The following SEMA5A variants were observed in gnomAD, a reference collection of about 807,000 sequenced individuals.
The protein encoded by SEMA5A is semaphorin 5A, also known as semaphorin-5A.
A neutral mutation model predicts 135.5 loss-of-function variants in SEMA5A; 55 were observed. That is an observed-to-expected ratio of 0.41 (90% CI 0.33 to 0.51). The LOEUF (loss-of-function observed/expected upper bound fraction) is 0.51, where lower values mean the gene tolerates loss of function less well. Ranked by LOEUF, SEMA5A falls within the 20% of genes least tolerant of loss-of-function variation. The pLI is 0.37. For synonymous variants in SEMA5A, 580 were observed against 546.5 expected (o/e 1.06, Z -0.85); for missense variants, 1,290 against 1,419.9 (o/e 0.91, Z 1.47).
At chr5:9,474,019 A>G (rs1759576872) in intron 1 of SEMA5A, among the ~76,000 whole-genome samples, 3 of 152,170 alleles carry the variant, frequency 2.0e-5, no homozygotes, top group African/African-American at 7.2e-5. Context: ...TGGGGCATGT[A>G]AGATACATCA....
chr5:9,541,826 G>C (rs941293946), intron 1 of SEMA5A, among the ~76,000 whole-genome samples: 4 of 152,080 alleles, frequency 2.6e-5, no homozygotes, highest in African/African-American at 9.7e-5. Context: ...AAGTTGCCTG[G>C]CTTCAAAATA....
intron 8 of SEMA5A, among the ~76,000 whole-genome samples, chr5:9,221,557 C>T (rs1373047841): frequency 6.6e-6 from 1 of 152,084 alleles, no homozygotes; most frequent in Non-Finnish European, 1.5e-5. Context: ...CCGCCTCGGC[C>T]TCCCAAAGTG....
In SEMA5A at chr5:9,167,721, T is replaced by C. The variant is rs557227738; in HGVS notation, c.1274-13026A>G. On this transcript the variant is annotated intron_variant, in intron 11 of 22. Transcript: ENST00000382496. ...AAGTCTGTGTGCTTATGGAAGGTAT[T>C]CTTCCTTCAACTAAGATAGTGCATT... Among the ~76,000 whole-genome samples, 14 of 152,342 alleles carry C rather than the reference T, an allele frequency of 9.2e-5. No homozygotes were observed. In the South Asian group the frequency reaches 2.9e-3, roughly 32 times the overall value.
At chr5:9,082,520 CTG>C (rs1738446924) in intron 16 of SEMA5A, among the ~76,000 whole-genome samples, 1 of 152,160 alleles carries the variant, frequency 6.6e-6, no homozygotes, top group South Asian at 2.1e-4. Flanking sequence ...GTTCATTGTT[CTG>C]TGTTATAAGC....
Position 9,410,981 on chromosome 5 carries a change from CTTT to C in SEMA5A, c.-78+26772_-78+26774del, listed in dbSNP as rs57301427. Among the ~76,000 whole-genome samples, 151 of 145,752 alleles carry C rather than the reference CTTT, an allele frequency of 1.0e-3. 3 individuals are homozygous for C. The highest frequency in any genetic ancestry group is 3.6e-3 in the Middle Eastern group (1 of 278). ...TAGCAAATGACAATTTCCATCTGGA[CTTT>C]TTTTTTTTTTTAAATAAAGGCATTT... On this transcript the variant is annotated intron_variant, in intron 2 of 22. Transcript: ENST00000382496.
chr5:9,468,155 G>T (rs908594894), intron 1 of SEMA5A, among the ~76,000 whole-genome samples: 4 of 152,196 alleles, frequency 2.6e-5, no homozygotes, highest in African/African-American at 9.6e-5. Context: ...GAGGGCCCGG[G>T]AAAGAGACTC....
intron 3 of SEMA5A, among the ~76,000 whole-genome samples, chr5:9,368,293 T>A (rs929793040): frequency 2.0e-5 from 3 of 152,222 alleles, no homozygotes; most frequent in Admixed American, 2.0e-4. Flanking sequence ...CATTGTATCC[T>A]AACAAACTCA....
chr5:9,502,470 C>G (rs1350885176), intron 1 of SEMA5A, among the ~76,000 whole-genome samples: 1 of 152,210 alleles, frequency 6.6e-6, no homozygotes, highest in Non-Finnish European at 1.5e-5. Context: ...ACAAGACTGA[C>G]AGTATCCCAG....
At chr5:9,274,555 T>G (rs1484684598) in intron 5 of SEMA5A, among the ~76,000 whole-genome samples, 1 of 152,180 alleles carries the variant, frequency 6.6e-6, no homozygotes, top group African/African-American at 2.4e-5. Flanking sequence ...ATCACACTTA[T>G]TCTAAAATTG....
intron 8 of SEMA5A, among the ~76,000 whole-genome samples, chr5:9,221,417 C>T (rs974833868): frequency 6.6e-6 from 1 of 150,404 alleles, no homozygotes; most frequent in Non-Finnish European, 1.5e-5. Flanking sequence ...ATTCTCCTGC[C>T]TCAGCCTCCC....
At chr5:9,160,672 T>G (rs961427292) in intron 11 of SEMA5A, among the ~76,000 whole-genome samples, 1 of 152,054 alleles carries the variant, frequency 6.6e-6, no homozygotes, top group Non-Finnish European at 1.5e-5. Flanking sequence ...TGGTGACCAA[T>G]GCAGTCAAAG....
intron 5 of SEMA5A, among the ~76,000 whole-genome samples, chr5:9,270,324 T>C (rs530049980): frequency 6.6e-6 from 1 of 152,236 alleles, no homozygotes; most frequent in South Asian, 2.1e-4. Flanking sequence ...AATTTTTTTT[T>C]CCTTCACTGT....
intron 5 of SEMA5A, among the ~76,000 whole-genome samples, chr5:9,258,206 T>C (rs1284069106): frequency 1.3e-5 from 2 of 152,194 alleles, no homozygotes; most frequent in African/African-American, 4.8e-5. Flanking sequence ...CCCCTTCAAA[T>C]AGGTTATCAA....
intron 3 of SEMA5A, among the ~76,000 whole-genome samples, chr5:9,370,041 C>T (rs887898725): frequency 6.6e-6 from 1 of 152,134 alleles, no homozygotes; most frequent in Admixed American, 6.5e-5. Flanking sequence ...CCTGGGGTAA[C>T]CCTAGTAACT....
intron 2 of SEMA5A, among the ~76,000 whole-genome samples, chr5:9,401,030 C>T (rs1756637021): frequency 6.6e-6 from 1 of 152,086 alleles, no homozygotes; most frequent in South Asian, 2.1e-4. Context: ...CTTTTGTGTA[C>T]CCTTAGACAA....
intron 1 of SEMA5A, among the ~76,000 whole-genome samples, chr5:9,528,617 A>G (rs1314746767): frequency 1.3e-5 from 2 of 152,178 alleles, no homozygotes; most frequent in Non-Finnish European, 2.9e-5. Context: ...ATCGAAGCCC[A>G]TGCCTTCCCA....
chr5:9,232,591 T>C (rs1376035037), intron 6 of SEMA5A, among the ~76,000 whole-genome samples: 1 of 152,224 alleles, frequency 6.6e-6, no homozygotes, highest in African/African-American at 2.4e-5. Flanking sequence ...AGATGCAATA[T>C]GTAGAGATAA....
intron 1 of SEMA5A, among the ~76,000 whole-genome samples, chr5:9,505,350 T>A (rs953846638): frequency 2.4e-4 from 37 of 152,282 alleles, no homozygotes; most frequent in African/African-American, 7.0e-4. Flanking sequence ...TATAATTTTT[T>A]AAAAATTAAA....
At chr5:9,186,060 A>AC (rs1462534285) in intron 11 of SEMA5A, among the ~76,000 whole-genome samples, 1 of 152,096 alleles carries the variant, frequency 6.6e-6, no homozygotes, top group East Asian at 1.9e-4. Flanking sequence ...AGCATATGAG[A>AC]CTCCGTCACT....
Sources: allele counts gnomAD v4.1 joint callset (sites outside exome capture counted in the v4.1 genomes callset), GRCh38; gene constraint gnomAD v4.1.1; transcripts MANE v1.5; gene names NCBI Gene and HGNC (gene_info 2026-07-23, HGNC 2026-07-21).